SEMA3A: variants seen among roughly 807,000 people sequenced by gnomAD.
The protein encoded by SEMA3A is semaphorin 3A, also known as semaphorin-3A.
A neutral mutation model predicts 97.9 loss-of-function variants in SEMA3A; 29 were observed. The ratio of observed to expected loss-of-function variants is 0.30; its 90% CI spans 0.22 to 0.40. SEMA3A has a LOEUF of 0.40. Among genes scored for constraint, SEMA3A ranks in the 10% least tolerant of loss-of-function variants. The probability of loss-of-function intolerance (pLI) is 1.00; values close to 1 mark genes in which losing one functional copy is unlikely to be tolerated. For missense variants in SEMA3A, 763 were observed against 951.3 expected (o/e 0.80, Z 2.60); for synonymous variants, 321 against 323.7 (o/e 0.99, Z 0.09).
Position 84,060,510 on chromosome 7 carries a change from T to G in SEMA3A, c.502A>C (p.Lys168Gln). Residue 168 changes from lysine (K) to glutamine (Q), a missense_variant, in exon 5 of 17, where the codon AAG becomes CAG. Physicochemically the swap from Lys to Gln is moderately conservative, Grantham distance 53. This residue lies in a region of SEMA3A where 678 missense variants were observed against 881.3 expected (regional missense o/e 0.77). Coordinates refer to ENST00000265362, the MANE Select transcript of SEMA3A (RefSeq NM_006080.3). ...ENSHFENGRG[K>Q]SPYDPKLLTA... Reference sequence around the variant, plus strand: ...AGCAGCTTAGGGTCATATGGACTCTTCCCACGGCCGTTTTCAAAATGTGAG... The same window carrying G: ...AGCAGCTTAGGGTCATATGGACTCTGCCCACGGCCGTTTTCAAAATGTGAG... The G allele has an allele frequency of 6.3e-7, 1 of 1,596,900 alleles. No individual in the cohort carries two copies. The highest frequency in any genetic ancestry group is 8.5e-7 in the Non-Finnish European group (1 of 1,173,788).
chr7:84,133,869 T>C (rs1346617999), intron 2 of SEMA3A, among the ~76,000 whole-genome samples: 2 of 126,932 alleles, frequency 1.6e-5, no homozygotes, highest in Non-Finnish European at 3.2e-5. Flanking sequence ...GCTAACACGG[T>C]GAAACCTCGT....
chr7:83,988,951 C>A (rs537708936), intron 12 of SEMA3A, among the ~76,000 whole-genome samples: 1 of 150,946 alleles, frequency 6.6e-6, no homozygotes, highest in Non-Finnish European at 1.5e-5. Context: ...TCCGCACCCC[C>A]CCGATATTCA....
At chr7:84,094,618 T>G (rs2115867235) in intron 4 of SEMA3A, among the ~76,000 whole-genome samples, 1 of 152,134 alleles carries the variant, frequency 6.6e-6, no homozygotes, top group African/African-American at 2.4e-5. Context: ...TCTTAGAAAA[T>G]ACTATGTTAC....
chr7:84,440,922 G>A (rs1805256256), intron 1 of SEMA3A, among the ~76,000 whole-genome samples: 1 of 152,154 alleles, frequency 6.6e-6, no homozygotes, highest in South Asian at 2.1e-4. Context: ...ACTTTGGGAG[G>A]CCGAGGTGGG....
intron 14 of SEMA3A, among the ~76,000 whole-genome samples, chr7:83,977,902 C>G (rs931590144): frequency 6.6e-6 from 1 of 150,856 alleles, no homozygotes; most frequent in Non-Finnish European, 1.5e-5. Flanking sequence ...CTCCCGGGTT[C>G]ATGCCATTCT....
intron 4 of SEMA3A, among the ~76,000 whole-genome samples, chr7:84,065,438 G>C (rs28826113): frequency 6.7e-6 from 1 of 150,040 alleles, no homozygotes; most frequent in Non-Finnish European, 1.5e-5. Context: ...ACTGAAGGAA[G>C]TAGAGACACA....
chr7:84,337,164 T>C (rs953501329), intron 2 of SEMA3A, among the ~76,000 whole-genome samples: 1 of 152,142 alleles, frequency 6.6e-6, no homozygotes, highest in Non-Finnish European at 1.5e-5. Context: ...ATGAAGAAAT[T>C]AGGAGTGTCT....
intron 1 of SEMA3A, among the ~76,000 whole-genome samples, chr7:84,407,341 A>G (rs373271973): frequency 3.9e-5 from 6 of 152,144 alleles, no homozygotes; most frequent in African/African-American, 7.2e-5. Context: ...TACAAGGGAT[A>G]TGAAGGACCT....
chr7:84,001,243 A>G (rs974034313), intron 12 of SEMA3A, among the ~76,000 whole-genome samples: 2 of 152,056 alleles, frequency 1.3e-5, no homozygotes, highest in African/African-American at 2.4e-5. Flanking sequence ...AAGGAACAAC[A>G]GACACATGGT....
At chr7:84,103,124 AG>A (rs1795006614) in intron 4 of SEMA3A, among the ~76,000 whole-genome samples, 2 of 152,114 alleles carry the variant, frequency 1.3e-5, no homozygotes, top group South Asian at 4.1e-4. Flanking sequence ...ACATAGTCCT[AG>A]TACCCAGAAG....
chr7:84,276,852 A>G (rs371612490), intron 3 of SEMA3A, among the ~76,000 whole-genome samples: 3 of 152,144 alleles, frequency 2.0e-5, no homozygotes, highest in African/African-American at 7.2e-5. Flanking sequence ...GAAAGATTCA[A>G]TTTATGAAAT....
intron 1 of SEMA3A, among the ~76,000 whole-genome samples, chr7:84,151,376 A>G (rs1584044041): frequency 6.6e-6 from 1 of 151,632 alleles, no homozygotes; most frequent in African/African-American, 2.4e-5. Flanking sequence ...TAGAATAACC[A>G]ATACAGAGAA....
At chr7:84,410,812 G>C (rs1804243357) in intron 1 of SEMA3A, among the ~76,000 whole-genome samples, 1 of 152,134 alleles carries the variant, frequency 6.6e-6, no homozygotes, top group Non-Finnish European at 1.5e-5. Flanking sequence ...GCATTCCAAA[G>C]TATTTGTGTT....
intron 1 of SEMA3A, among the ~76,000 whole-genome samples, chr7:84,136,434 C>T (rs1449796949): frequency 1.3e-5 from 2 of 152,058 alleles, no homozygotes; most frequent in African/African-American, 2.4e-5. Context: ...AAATTTAGAC[C>T]CTATCCCAGT....
chr7:84,469,623 C>G lies in SEMA3A; in HGVS notation c.-246+22837G>C, dbSNP rs553933784. 3.9e-5 allele frequency among the ~76,000 whole-genome samples: 6 copies of G among 152,130 alleles called. 1 individual carries two copies. The South Asian group carries it at 8.3e-4, about 21-fold the overall frequency. On this transcript the variant is annotated intron_variant, in intron 1 of 3. Coordinates refer to the SEMA3A transcript ENST00000424555. ...GATCATTAAGATTTTTTCTGTTAAC[C>G]TAAATCATTGTCCACATGTGCTTAA...
intron 9 of SEMA3A, among the ~76,000 whole-genome samples, chr7:84,009,051 T>C (rs543636775): frequency 6.6e-6 from 1 of 152,206 alleles, no homozygotes; most frequent in Non-Finnish European, 1.5e-5. Context: ...GGTGAAATTA[T>C]TTTATCTCTA....
intron 3 of SEMA3A, among the ~76,000 whole-genome samples, chr7:84,293,986 C>T (rs1248545307): frequency 1.3e-5 from 2 of 151,956 alleles, no homozygotes; most frequent in Non-Finnish European, 2.9e-5. Flanking sequence ...TTTCACAAAA[C>T]ATGTCAAAAG....
chr7:84,328,455 C>T (rs1372182809), intron 2 of SEMA3A, among the ~76,000 whole-genome samples: 2 of 151,746 alleles, frequency 1.3e-5, no homozygotes, highest in Non-Finnish European at 2.9e-5. Context: ...GGAAGAGAGA[C>T]AAAATAGACA....
chr7:84,065,595 C>G (rs779585496), intron 4 of SEMA3A, among the ~76,000 whole-genome samples: 3,230 of 150,032 alleles, frequency 0.022, 52 homozygotes, highest in Non-Finnish European at 0.03. Flanking sequence ...GATATCACCA[C>G]TGATCCCACA....
Sources: gnomAD v4.1 joint callset for allele counts (sites outside exome capture counted in the v4.1 genomes callset) on GRCh38, gnomAD v4.1.1 for gene constraint, gnomAD v4.1.1 regional missense constraint, MANE v1.5 for transcripts, NCBI Gene and HGNC (gene_info 2026-07-23, HGNC 2026-07-21) for gene names.